The following NRXN1 variants were observed in gnomAD, a reference collection of about 807,000 sequenced individuals.
The protein encoded by NRXN1 is neurexin-1.
A neutral mutation model predicts 150.9 loss-of-function variants in NRXN1; 39 were observed. The observed-to-expected ratio is 0.26, with a 90% CI of 0.20 to 0.34. NRXN1 has a LOEUF of 0.34. Among genes scored for constraint, NRXN1 ranks in the 10% least tolerant of loss-of-function variants. The probability of loss-of-function intolerance (pLI) is 1.00; values close to 1 mark genes in which losing one functional copy is unlikely to be tolerated. For synonymous variants in NRXN1, 924 were observed against 757.0 expected, an observed-to-expected ratio of 1.22 and a Z score of -3.62; for missense variants, 1,815 against 1,949.9, an observed-to-expected ratio of 0.93 and a Z score of 1.30.
chr2:50,250,892 C>A (rs1574740022), intron 17 of NRXN1, among the ~76,000 whole-genome samples: 1 of 150,388 alleles, frequency 6.6e-6, no homozygotes, highest in South Asian at 2.1e-4. Flanking sequence ...TATTGTATTA[C>A]ATATGTAATT....
chr2:50,871,894 A>G (rs1164676290), intron 5 of NRXN1, among the ~76,000 whole-genome samples: 1 of 151,884 alleles, frequency 6.6e-6, no homozygotes, highest in East Asian at 1.9e-4. Context: ...AGCCCTTGGT[A>G]TATAATGTTC....
intron 5 of NRXN1, among the ~76,000 whole-genome samples, chr2:50,859,133 CA>C (rs1675712565): frequency 6.6e-6 from 1 of 151,860 alleles, no homozygotes; most frequent in Non-Finnish European, 1.5e-5. Flanking sequence ...AGTAAGGGTA[CA>C]TTTTTTTTTC....
rs931779004 is a variant in NRXN1 at position 50,297,865 on chromosome 2, G to C, written c.3365-60895C>G. Reference sequence around the variant, plus strand: ...AATGGGTTTTAAAGGATGCATAGGAGTTCAACCATGTATAAGGGCAACATG... The same window carrying C: ...AATGGGTTTTAAAGGATGCATAGGACTTCAACCATGTATAAGGGCAACATG... On this transcript the variant is annotated intron_variant, in intron 17 of 22. Coordinates refer to ENST00000401669, the MANE Select transcript of NRXN1 (RefSeq NM_001330078.2). Among the ~76,000 whole-genome samples the C allele has an allele frequency of 1.2e-4, 19 of 152,210 alleles. No homozygotes were observed. The East Asian group carries it at 3.3e-3, about 26-fold the overall frequency.
chr2:50,921,490 A>G (rs537467468), intron 5 of NRXN1, among the ~76,000 whole-genome samples: 1 of 151,900 alleles, frequency 6.6e-6, no homozygotes, highest in South Asian at 2.1e-4. Context: ...TTATGTCTCA[A>G]TACAGAATGG....
chr2:50,552,664 A>T lies in NRXN1; in HGVS notation c.1682T>A (p.Ile561Lys). Residue 561 changes from isoleucine (I) to lysine (K), a missense_variant, in exon 9 of 23, where the codon ATA becomes AAA. Ile to Lys is a moderately radical substitution (Grantham distance 102, BLOSUM62 -3). Coordinates refer to ENST00000401669, the MANE Select transcript of NRXN1 (RefSeq NM_001330078.2). ...YLLLDMGSGT[I>K]KIKALLKKVN... ...TTTCTTCAACAGGGCTTTTATTTTT[A>T]TAGTACCTGACCCCATGTCCAGGAG... The T allele has an allele frequency of 6.2e-7, 1 of 1,613,890 alleles. No individual in the cohort carries two copies. Among genetic ancestry groups the T allele is most frequent in the Non-Finnish European group, 8.5e-7 (1 of 1,179,814 alleles).
At chr2:50,136,045 A>C (rs1706354042) in intron 18 of NRXN1, among the ~76,000 whole-genome samples, 1 of 152,190 alleles carries the variant, frequency 6.6e-6, no homozygotes, top group Non-Finnish European at 1.5e-5. Context: ...TCAATACAAT[A>C]GATCTTTATT....
chr2:50,667,166 A>T (rs1688181093), intron 5 of NRXN1, among the ~76,000 whole-genome samples: 2 of 137,552 alleles, frequency 1.5e-5, no homozygotes, highest in South Asian at 4.8e-4. Flanking sequence ...GAATTTACAC[A>T]ATTTCTTTCA....
At chr2:50,779,451 T>C (rs1345146209) in intron 5 of NRXN1, among the ~76,000 whole-genome samples, 1 of 152,194 alleles carries the variant, frequency 6.6e-6, no homozygotes, top group Non-Finnish European at 1.5e-5. Flanking sequence ...TACAAGTCTT[T>C]GCCATTGTGA....
At chr2:50,207,702 T>G (rs528241339) in intron 18 of NRXN1, 1 of 168,586 alleles carries the variant, frequency 5.9e-6, no homozygotes, top group African/African-American at 2.4e-5. Flanking sequence ...CATTGAAGAG[T>G]CTAAACTCAA....
At chr2:50,122,710 G>C (rs1454779242) in intron 18 of NRXN1, among the ~76,000 whole-genome samples, 1 of 152,164 alleles carries the variant, frequency 6.6e-6, no homozygotes, top group African/African-American at 2.4e-5. Flanking sequence ...CATGTTCCTT[G>C]AGAAATCTGA....
rs564021077 is a variant in NRXN1 at position 50,817,280 on chromosome 2, A to G, written c.832+104589T>C. Among the ~76,000 whole-genome samples the G allele has an allele frequency of 3.3e-5, 5 of 152,252 alleles. No homozygotes were observed. The South Asian group carries it at 8.3e-4, about 25-fold the overall frequency. ...ATCCAGAAAAAGTATATAAATTCCT[A>G]GAAACATACAACCTATCAACTGAAT... On this transcript the variant is annotated intron_variant, in intron 5 of 22. Coordinates refer to ENST00000401669, the MANE Select transcript of NRXN1 (RefSeq NM_001330078.2).
chr2:49,962,569 A>T (rs930144939), intron 21 of NRXN1, among the ~76,000 whole-genome samples: 10 of 152,156 alleles, frequency 6.6e-5, no homozygotes. Flanking sequence ...CCTCATCCTA[A>T]TATAAGTAGG....
At chr2:50,504,825 C>T (rs1049597396) in intron 13 of NRXN1, among the ~76,000 whole-genome samples, 1 of 152,200 alleles carries the variant, frequency 6.6e-6, no homozygotes, top group Non-Finnish European at 1.5e-5. Context: ...TAGCACCATG[C>T]ACTTGCAAGA....
intron 5 of NRXN1, among the ~76,000 whole-genome samples, chr2:50,693,858 C>T (rs1240714174): frequency 1.3e-5 from 2 of 152,114 alleles, no homozygotes; most frequent in East Asian, 1.9e-4. Flanking sequence ...GTGGTGCAAC[C>T]GTAGCTTATT....
chr2:50,198,464 A>T (rs1010353862), intron 18 of NRXN1, among the ~76,000 whole-genome samples: 2 of 152,158 alleles, frequency 1.3e-5, no homozygotes, highest in South Asian at 4.1e-4. Context: ...TTTTCCCATG[A>T]TAAATTATAC....
chr2:50,098,830 GTTT>G (rs746736925), intron 18 of NRXN1, among the ~76,000 whole-genome samples: 2 of 105,540 alleles, frequency 1.9e-5, no homozygotes, highest in African/African-American at 7.0e-5. Context: ...TTTGGTTTTA[GTTT>G]TTTTTTTTTT....
At chr2:50,088,139 A>T (rs1415907246) in intron 19 of NRXN1, among the ~76,000 whole-genome samples, 1 of 152,128 alleles carries the variant, frequency 6.6e-6, no homozygotes, top group East Asian at 1.9e-4. Context: ...ACTGACATAA[A>T]ATACATATAC....
intron 18 of NRXN1, among the ~76,000 whole-genome samples, chr2:50,098,492 T>C (rs967574136): frequency 3.9e-5 from 6 of 152,152 alleles, no homozygotes; most frequent in African/African-American, 1.4e-4. Flanking sequence ...AGAAGTTATG[T>C]TCTGTCTACC....
intron 5 of NRXN1, among the ~76,000 whole-genome samples, chr2:50,640,656 C>T (rs1342973014): frequency 6.6e-6 from 1 of 152,170 alleles, no homozygotes; most frequent in Non-Finnish European, 1.5e-5. Context: ...GCCAATATTA[C>T]ATACTGCCTT....
Sources: gnomAD v4.1 joint callset for allele counts (sites outside exome capture counted in the v4.1 genomes callset) on GRCh38, gnomAD v4.1.1 for gene constraint, MANE v1.5 for transcripts, NCBI Gene and HGNC (gene_info 2026-07-23, HGNC 2026-07-21) for gene names.